The following INPP5A variants were observed in gnomAD, a reference collection of about 807,000 sequenced individuals.
INPP5A encodes inositol polyphosphate-5-phosphatase A, also known as 43 kDa inositol polyphosphate 5-phophatase.
A neutral mutation model predicts 65.2 loss-of-function variants in INPP5A; 14 were observed. That is an observed-to-expected ratio of 0.21 (90% CI 0.14 to 0.34). INPP5A has a LOEUF of 0.34. Among genes scored for constraint, INPP5A ranks in the 10% least tolerant of loss-of-function variants. INPP5A has a pLI of 1.00. For missense variants in INPP5A, 431 were observed against 545.6 expected, an observed-to-expected ratio of 0.79 and a Z score of 2.09; for synonymous variants, 207 against 208.3, an observed-to-expected ratio of 0.99 and a Z score of 0.05.
intron 4 of INPP5A, among the ~76,000 whole-genome samples, chr10:132,668,187 A>G (rs914039287): frequency 3.9e-5 from 6 of 152,174 alleles, no homozygotes; most frequent in African/African-American, 1.4e-4. Flanking sequence ...CCAGCCCCAC[A>G]CTTGACTTTT....
chr10:132,755,487 T>G (rs1846584433), intron 11 of INPP5A, among the ~76,000 whole-genome samples: 1 of 143,044 alleles, frequency 7.0e-6, no homozygotes, highest in Non-Finnish European at 1.5e-5. Flanking sequence ...CATACGCATA[T>G]GAGTGGGTGT....
At chr10:132,565,630 T>C (rs545358077) in intron 1 of INPP5A, among the ~76,000 whole-genome samples, 19 of 152,180 alleles carry the variant, frequency 1.2e-4, no homozygotes, top group Non-Finnish European at 2.1e-4. Context: ...TGTATGTGTG[T>C]ATATGTATGT....
rs903745791 is a variant in INPP5A, at chr10:132,698,570, C to T, written c.474+651C>T. 1.3e-5 allele frequency among the ~76,000 whole-genome samples: 2 copies of T among 152,210 alleles called. No individual in the cohort carries two copies. The highest frequency in any genetic ancestry group is 4.8e-5 in the African/African-American group (2 of 41,450). On this transcript the variant is annotated intron_variant, in intron 6 of 15. Coordinates refer to ENST00000368594, the MANE Select transcript of INPP5A (RefSeq NM_005539.5). This position sits in a 1 kb window ranked among gnomAD's most constrained non-coding sequence, Gnocchi z 5.5. ...GTGATCTTTGGGTAAACCTCACACG[C>T]GGCATTGTCGGCGTCTCCCTGGCTG...
intron 8 of INPP5A, among the ~76,000 whole-genome samples, chr10:132,724,717 AC>A (rs1453963711): frequency 1.5e-5 from 2 of 135,042 alleles, no homozygotes; most frequent in African/African-American, 5.7e-5. Context: ...GGGGTTACTC[AC>A]TCTCCATAAC....
Position 132,659,016 on chromosome 10 carries a change from C to T in INPP5A, c.306+8511C>T, listed in dbSNP as rs1399296524. Among the ~76,000 whole-genome samples the T allele has an allele frequency of 6.6e-6, 1 of 152,188 alleles. No homozygotes were observed. The highest frequency in any genetic ancestry group is 2.4e-5 in the African/African-American group (1 of 41,446). ...GCCATCACCTGGAGTCAGCTGCCGTCCACAGTGGAAGCTGCCAGCCACCAA... is the reference window on the plus strand; with the variant it reads ...GCCATCACCTGGAGTCAGCTGCCGTTCACAGTGGAAGCTGCCAGCCACCAA... On this transcript the variant is annotated intron_variant, in intron 4 of 15. Coordinates refer to ENST00000368594, the MANE Select transcript of INPP5A (RefSeq NM_005539.5). The surrounding 1 kb of genome is among the most constrained non-coding windows in gnomAD (Gnocchi z 5.5).
chr10:132,696,704 A>G (rs1845349609), intron 5 of INPP5A, among the ~76,000 whole-genome samples: 1 of 152,222 alleles, frequency 6.6e-6, no homozygotes, highest in Non-Finnish European at 1.5e-5. Flanking sequence ...TCCATGCTCC[A>G]TAAGTCGCTG....
intron 8 of INPP5A, among the ~76,000 whole-genome samples, chr10:132,720,488 G>T (rs140285804): frequency 6.5e-4 from 96 of 147,066 alleles, no homozygotes; most frequent in African/African-American, 2.4e-3. Flanking sequence ...CTGTCTGGGT[G>T]CCTTAGACAG....
chr10:132,540,522 G>T (rs948281949), intron 1 of INPP5A, among the ~76,000 whole-genome samples: 3 of 152,232 alleles, frequency 2.0e-5, no homozygotes, highest in African/African-American at 7.2e-5. Flanking sequence ...AGTCCCCGGG[G>T]GCCAGACCCA....
chr10:132,596,965 G>A (rs981574147), intron 1 of INPP5A, among the ~76,000 whole-genome samples: 2 of 151,304 alleles, frequency 1.3e-5, no homozygotes, highest in Admixed American at 6.6e-5. Flanking sequence ...ACATGTGTGC[G>A]TGTGTGCATG....
chr10:132,654,406 C>T (rs1478825384), intron 4 of INPP5A, among the ~76,000 whole-genome samples: 1 of 152,256 alleles, frequency 6.6e-6, no homozygotes. Context: ...GCCAGGCGGG[C>T]CTGTCCTCCC....
intron 4 of INPP5A, among the ~76,000 whole-genome samples, chr10:132,684,481 CAT>C (rs2073090833): frequency 6.6e-6 from 1 of 152,110 alleles, no homozygotes; most frequent in Non-Finnish European, 1.5e-5. Flanking sequence ...TGGATGTGTA[CAT>C]ATGTGTGTGT....
intron 1 of INPP5A, among the ~76,000 whole-genome samples, chr10:132,572,885 G>A (rs933682648): frequency 3.3e-5 from 5 of 152,178 alleles, no homozygotes; most frequent in Non-Finnish European, 5.9e-5. Context: ...GAAAGAACTT[G>A]TTTAAAGAAA....
intron 5 of INPP5A, among the ~76,000 whole-genome samples, chr10:132,696,860 C>A (rs932323879): frequency 2.0e-5 from 3 of 152,214 alleles, no homozygotes; most frequent in Non-Finnish European, 4.4e-5. Flanking sequence ...CTGGGCCAGA[C>A]CACAGCACTC....
intron 1 of INPP5A, among the ~76,000 whole-genome samples, chr10:132,585,761 C>G (rs1267170795): frequency 6.6e-6 from 1 of 152,250 alleles, no homozygotes; most frequent in Non-Finnish European, 1.5e-5. Context: ...TCCTCTGCTT[C>G]TGGGGTGGCC....
chr10:132,718,754 GACGA>G, intron 8 of INPP5A, among the ~76,000 whole-genome samples: 1 of 149,756 alleles, frequency 6.7e-6, no homozygotes, highest in Non-Finnish European at 1.5e-5. Flanking sequence ...GGGCACCTTA[GACGA>G]CTGTCTTCAG....
intron 4 of INPP5A, among the ~76,000 whole-genome samples, chr10:132,657,258 G>A (rs1031835416): frequency 3.9e-5 from 6 of 152,226 alleles, no homozygotes; most frequent in African/African-American, 1.4e-4. Flanking sequence ...TCTCCCACCC[G>A]CTAGCGCTGC....
At chr10:132,568,947 G>T (rs2071305336) in intron 1 of INPP5A, among the ~76,000 whole-genome samples, 1 of 124,518 alleles carries the variant, frequency 8.0e-6, no homozygotes, top group Non-Finnish European at 1.6e-5. Flanking sequence ...ACGGAATCTC[G>T]CTCGGTCACC....
At position 132,627,974 on chromosome 10, in the gene INPP5A, A is replaced by T. The variant is rs1366982708; in HGVS notation, c.118-17894A>T. Among the ~76,000 whole-genome samples, 8 of 152,220 alleles carry T rather than the reference A, an allele frequency of 5.3e-5. No individual in the cohort carries two copies. In the East Asian group the frequency reaches 1.4e-3, roughly 26 times the overall value. Reference sequence around the variant, plus strand: ...CTCGGTGACTTTGTTGTTGATGTTGATGTCTTCACTGGTTGCCATTGCCCA... The same window carrying T: ...CTCGGTGACTTTGTTGTTGATGTTGTTGTCTTCACTGGTTGCCATTGCCCA... On this transcript the variant is annotated intron_variant, in intron 2 of 15. Transcript: ENST00000368594. The surrounding 1 kb of genome is among the most constrained non-coding windows in gnomAD (Gnocchi z 6.6).
intron 11 of INPP5A, among the ~76,000 whole-genome samples, chr10:132,754,203 C>T (rs1846548279): frequency 6.6e-6 from 1 of 152,218 alleles, no homozygotes; most frequent in South Asian, 2.1e-4. Context: ...CGCAGCCTTG[C>T]GTTTGTATCA....
Sources: gnomAD v4.1 joint callset for allele counts (sites outside exome capture counted in the v4.1 genomes callset) on GRCh38, gnomAD v4.1.1 for gene constraint, Gnocchi (gnomAD v3.1) non-coding constraint, MANE v1.5 for transcripts, NCBI Gene and HGNC (gene_info 2026-07-23, HGNC 2026-07-21) for gene names.